Variants in CTNND2 observed in about 807,000 individuals in gnomAD.
The protein encoded by CTNND2 is catenin delta-2.
CTNND2 carries 22 observed loss-of-function variants against 144.4 expected under a neutral mutation model. The observed-to-expected ratio is 0.15, with a 90% CI of 0.11 to 0.22. CTNND2 has a LOEUF of 0.22. Among genes scored for constraint, CTNND2 ranks in the 10% least tolerant of loss-of-function variants. The probability of loss-of-function intolerance (pLI) is 1.00; values close to 1 mark genes in which losing one functional copy is unlikely to be tolerated. For synonymous variants in CTNND2, 751 were observed against 695.6 expected (o/e 1.08, Z -1.25); for missense variants, 1,353 against 1,618.8 (o/e 0.84, Z 2.82).
chr5:11,129,208 T>TAA (rs1755241560), intron 12 of CTNND2, among the ~76,000 whole-genome samples: 1 of 38,856 alleles, frequency 2.6e-5, no homozygotes, highest in East Asian at 1.4e-3. Flanking sequence ...ATATTATATA[T>TAA]TTATATATTA....
intron 1 of CTNND2, among the ~76,000 whole-genome samples, chr5:11,742,693 T>C (rs940613435): frequency 2.0e-5 from 3 of 152,200 alleles, no homozygotes; most frequent in Admixed American, 6.5e-5. Context: ...TATGTAAATA[T>C]GAGCTACTGA....
At position 11,518,262 on chromosome 5, in the gene CTNND2, T is replaced by TA. The variant is rs563678446; in HGVS notation, c.287+46681dup. On this transcript the variant is annotated intron_variant, in intron 3 of 21. Transcript: ENST00000304623. ...GTTTTTACTTAAAACATTTAAAGAG[T>TA]AAAAAAAATAAATAAATAAAAGTAA... Among the ~76,000 whole-genome samples the TA allele has an allele frequency of 2.9e-4, 43 of 148,358 alleles. 2 individuals carry two copies. In the South Asian group the frequency reaches 7.8e-3, roughly 27 times the overall value.
rs538044051 is a variant in CTNND2, at chr5:11,505,626, C to CA, written c.287+59317dup. Reference sequence around the variant, plus strand: ...AAACCAAAAATCCTAAGGCAGAAAACAAAAAAACAGCCCCCTCCTTCATTT... The same window carrying CA: ...AAACCAAAAATCCTAAGGCAGAAAACAAAAAAAACAGCCCCCTCCTTCATTT... On this transcript the variant is annotated intron_variant, in intron 3 of 21. Coordinates refer to ENST00000304623, the MANE Select transcript of CTNND2 (RefSeq NM_001332.4). 3.9e-5 allele frequency among the ~76,000 whole-genome samples: 6 copies of CA among 152,146 alleles called. No individual in the cohort carries two copies. In the South Asian group the frequency reaches 8.3e-4, roughly 21 times the overall value.
At chr5:11,880,486 C>G (rs139579577) in intron 1 of CTNND2, among the ~76,000 whole-genome samples, 1 of 130,314 alleles carries the variant, frequency 7.7e-6, no homozygotes, top group African/African-American at 2.9e-5. Flanking sequence ...ACTACAACCA[C>G]TACTACTGCT....
intron 11 of CTNND2, among the ~76,000 whole-genome samples, chr5:11,161,847 T>C (rs1758790034): frequency 2.0e-5 from 3 of 152,090 alleles, no homozygotes; most frequent in Admixed American, 1.3e-4. Context: ...GTATGGTATA[T>C]ATCCTTTAAA....
chr5:11,539,204 C>T (rs1401192165), intron 3 of CTNND2, among the ~76,000 whole-genome samples: 1 of 152,108 alleles, frequency 6.6e-6, no homozygotes. Flanking sequence ...CGTATAAATG[C>T]CAAGTCAAGA....
At chr5:11,694,633 T>C (rs1238481968) in intron 2 of CTNND2, among the ~76,000 whole-genome samples, 1 of 152,142 alleles carries the variant, frequency 6.6e-6, no homozygotes, top group African/African-American at 2.4e-5. Context: ...TTGGGGGTTA[T>C]AAATGCATTT....
intron 8 of CTNND2, among the ~76,000 whole-genome samples, chr5:11,360,818 G>T (rs1756372073): frequency 6.6e-6 from 1 of 152,194 alleles, no homozygotes; most frequent in African/African-American, 2.4e-5. Flanking sequence ...ACAAGGAGTA[G>T]ATTTTAAGCC....
At chr5:11,767,883 AAAG>A (rs1789688843) in intron 1 of CTNND2, among the ~76,000 whole-genome samples, 1 of 150,510 alleles carries the variant, frequency 6.6e-6, no homozygotes, top group African/African-American at 2.5e-5. Flanking sequence ...AATTATGTAA[AAAG>A]AAAAATGTAT....
At chr5:11,877,709 A>G (rs1292407353) in intron 1 of CTNND2, among the ~76,000 whole-genome samples, 1 of 71,902 alleles carries the variant, frequency 1.4e-5, no homozygotes, top group African/African-American at 5.2e-5. Context: ...ATAGTTGTCG[A>G]CAGCACCATC....
chr5:11,407,390 T>A (rs988328192), intron 5 of CTNND2, among the ~76,000 whole-genome samples: 2 of 152,118 alleles, frequency 1.3e-5, no homozygotes, highest in African/African-American at 2.4e-5. Context: ...GTGTTTCAGA[T>A]TGCACTGTTA....
At chr5:11,567,183 A>T (rs1383488278) in intron 2 of CTNND2, among the ~76,000 whole-genome samples, 2 of 151,696 alleles carry the variant, frequency 1.3e-5, no homozygotes, top group Non-Finnish European at 2.9e-5. Flanking sequence ...ATTGAGATGG[A>T]GTCTCGCTCT....
intron 2 of CTNND2, among the ~76,000 whole-genome samples, chr5:11,599,986 A>G (rs1779700478): frequency 6.6e-6 from 1 of 152,212 alleles, no homozygotes; most frequent in Non-Finnish European, 1.5e-5. Context: ...ACTTTTAGCA[A>G]GTCCCAAATA....
chr5:11,353,734 C>T (rs906747024), intron 8 of CTNND2, among the ~76,000 whole-genome samples: 4 of 150,778 alleles, frequency 2.7e-5, no homozygotes, highest in African/African-American at 7.3e-5. Flanking sequence ...ACCCAGGAGG[C>T]GGAGGTTGCA....
intron 10 of CTNND2, among the ~76,000 whole-genome samples, chr5:11,227,024 A>G (rs1342112416): frequency 6.6e-6 from 1 of 152,204 alleles, no homozygotes; most frequent in Non-Finnish European, 1.5e-5. Flanking sequence ...AGTTGAATCT[A>G]GTTGTGTAAA....
intron 8 of CTNND2, among the ~76,000 whole-genome samples, chr5:11,358,397 C>T (rs1278884894): frequency 6.6e-6 from 1 of 152,086 alleles, no homozygotes; most frequent in Non-Finnish European, 1.5e-5. Context: ...TGACATTTAT[C>T]GTTGGGTTGA....
intron 1 of CTNND2, among the ~76,000 whole-genome samples, chr5:11,871,316 CAT>C (rs911783837): frequency 2.0e-5 from 3 of 152,178 alleles, no homozygotes; most frequent in Non-Finnish European, 2.9e-5. Flanking sequence ...GATGATACCA[CAT>C]AGAGACAGAG....
intron 3 of CTNND2, among the ~76,000 whole-genome samples, chr5:11,448,618 T>A (rs1765045629): frequency 6.6e-6 from 1 of 152,204 alleles, no homozygotes; most frequent in Non-Finnish European, 1.5e-5. Context: ...ACAGTTTTAA[T>A]TACTTATATT....
intron 9 of CTNND2, among the ~76,000 whole-genome samples, chr5:11,320,731 G>A (rs775026643): frequency 2.4e-4 from 37 of 152,204 alleles, no homozygotes; most frequent in East Asian, 7.7e-4. Context: ...GGAAAGACCC[G>A]CCCCCATGAT....
Sources: allele counts gnomAD v4.1 joint callset (sites outside exome capture counted in the v4.1 genomes callset), GRCh38; gene constraint gnomAD v4.1.1; transcripts MANE v1.5; gene names NCBI Gene and HGNC (gene_info 2026-07-23, HGNC 2026-07-21).